The following AFAP1 variants were observed in gnomAD, a reference collection of about 807,000 sequenced individuals.
AFAP1 encodes actin filament associated protein 1.
A neutral mutation model predicts 93.9 loss-of-function variants in AFAP1; 75 were observed. That is an observed-to-expected ratio of 0.80 (90% CI 0.66 to 0.97). The LOEUF (loss-of-function observed/expected upper bound fraction) is 0.97. Ranked by LOEUF, AFAP1 falls within the 50% of genes least tolerant of loss-of-function variation. The probability of loss-of-function intolerance (pLI) is 0.00; values close to 1 mark genes in which losing one functional copy is unlikely to be tolerated. For synonymous variants in AFAP1, 517 were observed against 430.7 expected (o/e 1.20, Z -2.48); for missense variants, 1,201 against 1,050.8 (o/e 1.14, Z -1.98).
rs1342750690 is a variant in AFAP1, at chr4:7,838,706, G to A, written c.547-3C>T. ...TGGTCCTTGGAACTTTTATAGCACT[G>A]CATTCAACACAACAAATCAACTGAT... is the stretch of plus-strand genomic sequence containing the variant. On this transcript the variant is annotated splice_polypyrimidine_tract_variant and splice_region_variant and intron_variant, in intron 5 of 17. Transcript: ENST00000420658. The A allele has an allele frequency of 2.5e-6, 4 of 1,613,424 alleles. No homozygotes were observed. In the African/African-American group the frequency reaches 5.3e-5, roughly 22 times the overall value.
intron 6 of AFAP1, among the ~76,000 whole-genome samples, chr4:7,821,624 A>T (rs1720980581): frequency 6.6e-6 from 1 of 152,248 alleles, no homozygotes; most frequent in Admixed American, 6.5e-5. Context: ...CAAAATTTTC[A>T]AAATGTCTTC....
chr4:7,806,915 CA>C (rs11287692), intron 9 of AFAP1, among the ~76,000 whole-genome samples: 16,387 of 152,148 alleles, frequency 0.11, 1,371 homozygotes, highest in East Asian at 0.48. Flanking sequence ...GTCTAGTCAC[CA>C]GCACAAATGC....
At chr4:7,865,158 C>T (rs1219267883) in intron 3 of AFAP1, among the ~76,000 whole-genome samples, 1 of 152,000 alleles carries the variant, frequency 6.6e-6, no homozygotes, top group African/African-American at 2.4e-5. Context: ...CAAACAGAAC[C>T]CCATAGGTAG....
rs566821238 is a variant in AFAP1, at chr4:7,921,462, G to A, written c.-3+18194C>T. ...CGCCTCTCAAAGCGCTAGGATTACA[G>A]GCATGAGCCACCGCACCTGGCCACT... On this transcript the variant is annotated intron_variant, in intron 1 of 17. Coordinates refer to ENST00000420658, the MANE Select transcript of AFAP1 (RefSeq NM_001134647.2). Among the ~76,000 whole-genome samples, 86 of 142,692 alleles carry A rather than the reference G, an allele frequency of 6.0e-4. 2 individuals carry two copies. Among genetic ancestry groups the A allele is most frequent in the South Asian group, 2.8e-3 (12 of 4,278 alleles). 93.6% of individuals were successfully genotyped at this position (142,692 alleles called of 152,430 possible).
chr4:7,775,045 G>A, intron 14 of AFAP1, 142 bp from the exon 15 acceptor site: 1 of 1,001,754 alleles, frequency 1.0e-6, no homozygotes, highest in Non-Finnish European at 1.4e-6. Context: ...GGAAGCTGAG[G>A]TGGGAGAATC....
At chr4:7,812,413 T>C (rs898122514) in intron 8 of AFAP1, among the ~76,000 whole-genome samples, 11 of 152,122 alleles carry the variant, frequency 7.2e-5, no homozygotes, top group African/African-American at 2.4e-4. Flanking sequence ...TAATTAAAAC[T>C]TGGAATTCCT....
intron 8 of AFAP1, among the ~76,000 whole-genome samples, chr4:7,810,976 A>G (rs1719973363): frequency 6.6e-6 from 1 of 152,234 alleles, no homozygotes; most frequent in South Asian, 2.1e-4. Context: ...TCAGGCAAGA[A>G]ATCAGAACGT....
rs542009665 is a variant in AFAP1, at chr4:7,808,040, C to G, written c.1054+1574G>C. ...TATCTTTTGGCATCTCAAAATAAAA[C>G]CCAACACCTTGGATATAACGGGTGC... On this transcript the variant is annotated intron_variant, in intron 9 of 17. Coordinates refer to ENST00000420658, the MANE Select transcript of AFAP1 (RefSeq NM_001134647.2). 1.4e-4 allele frequency among the ~76,000 whole-genome samples: 21 copies of G among 152,298 alleles called. 1 individual carries two copies. In the South Asian group the frequency reaches 4.4e-3, roughly 32 times the overall value.
chr4:7,878,331 G>A (rs1717637780), intron 1 of AFAP1, among the ~76,000 whole-genome samples: 1 of 152,178 alleles, frequency 6.6e-6, no homozygotes, highest in Admixed American at 6.5e-5. Flanking sequence ...CAGCTGTGCA[G>A]CAGGCTCTCT....
intron 5 of AFAP1, among the ~76,000 whole-genome samples, chr4:7,842,275 C>T (rs535969878): frequency 3.2e-5 from 2 of 62,658 alleles, no homozygotes; most frequent in East Asian, 4.2e-4. Flanking sequence ...AAGATTCCCA[C>T]AATTCAAAGA....
chr4:7,780,925 G>A (rs1335787391), intron 13 of AFAP1, among the ~76,000 whole-genome samples: 6 of 152,066 alleles, frequency 3.9e-5, no homozygotes, highest in Admixed American at 6.5e-5. Context: ...TTGTCATGGA[G>A]AAACACTACC....
At chr4:7,852,801 G>A (rs747997200) in intron 4 of AFAP1, among the ~76,000 whole-genome samples, 9 of 152,140 alleles carry the variant, frequency 5.9e-5, no homozygotes, top group Non-Finnish European at 1.0e-4. Context: ...ACACAGAAAC[G>A]AATTCTTCTT....
chr4:7,897,506 C>T (rs532308463), intron 1 of AFAP1, among the ~76,000 whole-genome samples: 1 of 149,210 alleles, frequency 6.7e-6, no homozygotes, highest in East Asian at 1.9e-4. Context: ...CTCCCCAGCG[C>T]TTGTTTTTTT....
At chr4:7,767,648 C>G (rs780934501) in intron 17 of AFAP1, among the ~76,000 whole-genome samples, 3 of 152,254 alleles carry the variant, frequency 2.0e-5, no homozygotes, top group Middle Eastern at 3.4e-3. Context: ...GACCACTGTT[C>G]TGGGAGGCTG....
chr4:7,829,816 A>G (rs1721734195), intron 6 of AFAP1, among the ~76,000 whole-genome samples: 3 of 152,222 alleles, frequency 2.0e-5, no homozygotes, highest in Admixed American at 2.0e-4. Context: ...GCTATACATC[A>G]AAATTATAAT....
At chr4:7,878,507 GAAC>G (rs1332289233) in intron 1 of AFAP1, among the ~76,000 whole-genome samples, 3 of 152,188 alleles carry the variant, frequency 2.0e-5, no homozygotes, top group African/African-American at 7.2e-5. Flanking sequence ...CCAAGGTCAA[GAAC>G]AACAGGTGCC....
At chr4:7,904,892 A>G (rs184453865) in intron 1 of AFAP1, among the ~76,000 whole-genome samples, 2 of 152,122 alleles carry the variant, frequency 1.3e-5, no homozygotes, top group East Asian at 3.9e-4. Flanking sequence ...TATGTTTTGT[A>G]GGGATGGGGT....
chr4:7,761,365 G>C lies in AFAP1; in HGVS notation c.*2400C>G, dbSNP rs542866989. 1 of 152,376 alleles carries C rather than the reference G, an allele frequency of 6.6e-6. No individual in the cohort carries two copies. Among genetic ancestry groups the C allele is most frequent in the Admixed American group, 6.5e-5 (1 of 15,308 alleles). The allele number at this position is 152,376 out of a possible 1,614,324, so 9.4% of individuals were successfully genotyped here. A position where few individuals can be genotyped will look rare whatever the true frequency, so the allele number is the denominator to read the frequency against. On this transcript the variant is annotated 3_prime_UTR_variant, in exon 18 of 18. Coordinates refer to ENST00000420658, the MANE Select transcript of AFAP1 (RefSeq NM_001134647.2). ...TTAAAAGGCTTAGGGTTGTGGATGTGAATTACAAACCTGGGTTTTTACAAC... is the reference window on the plus strand; with the variant it reads ...TTAAAAGGCTTAGGGTTGTGGATGTCAATTACAAACCTGGGTTTTTACAAC...
rs1321272682 is a variant in AFAP1, at chr4:7,800,650, T to G, written c.1058A>C (p.Tyr353Ser). The G allele has an allele frequency of 6.2e-7, 1 of 1,614,176 alleles. No homozygotes were observed. Among genetic ancestry groups the G allele is most frequent in the Admixed American group, 1.7e-5 (1 of 60,024 alleles). ...GCGGCTGTTGGAGAGCACGTTCAGA[T>G]AGCCTGCGGAGACACAAGGCCACAG... ...SAEEDVPTCG[Y>S]LNVLSNSRWR... is the part of the protein sequence containing the mutation. The change falls in exon 10 of 18, where the codon TAT becomes TCT. Residue 353 changes from tyrosine (Y) to serine (S), a missense_variant. Transcript: ENST00000420658.
Sources: allele counts gnomAD v4.1 joint callset (sites outside exome capture counted in the v4.1 genomes callset), GRCh38; gene constraint gnomAD v4.1.1; transcripts MANE v1.5; gene names NCBI Gene and HGNC (gene_info 2026-07-23, HGNC 2026-07-21).